The following BAZ1B variants were observed in gnomAD, a reference collection of about 807,000 sequenced individuals.
BAZ1B encodes the protein tyrosine-protein kinase BAZ1B.
A neutral mutation model predicts 153.8 loss-of-function variants in BAZ1B; 22 were observed. The observed-to-expected ratio is 0.14, with a 90% CI of 0.10 to 0.20. The LOEUF (loss-of-function observed/expected upper bound fraction) is 0.20. BAZ1B is among the 10% of genes least tolerant of loss of function. The probability of loss-of-function intolerance (pLI) is 1.00; values close to 1 mark genes in which losing one functional copy is unlikely to be tolerated. For missense variants in BAZ1B, 1,325 were observed against 1,799.3 expected, an observed-to-expected ratio of 0.74 and a Z score of 4.77; for synonymous variants, 676 against 633.4, an observed-to-expected ratio of 1.07 and a Z score of -1.01.
chr7:73,449,303 A>C (rs1003248088), intron 15 of BAZ1B, among the ~76,000 whole-genome samples: 1 of 152,154 alleles, frequency 6.6e-6, no homozygotes, highest in African/African-American at 2.4e-5. Context: ...CTTGAGAAGA[A>C]GGTATGATCA....
In BAZ1B at chr7:73,478,295, G is replaced by A; in HGVS notation, c.1166C>T (p.Pro389Leu). The A allele has an allele frequency of 1.2e-6, 2 of 1,614,104 alleles. No individual in the cohort carries two copies. The highest frequency in any genetic ancestry group is 1.1e-5 in the South Asian group (1 of 91,078). The change falls in exon 7 of 20, where the codon CCA becomes CTA. Residue 389 changes from proline to leucine, a missense_variant. Pro to Leu is a moderately conservative substitution (Grantham distance 98, BLOSUM62 -3). Transcript: ENST00000339594. ...GTGCTTCCCTGGTTTCTTGGCAGGT[G>A]GGCCTTTTTTAGGAATGTGAAAGTT... Reference protein sequence around the residue: ...HTNFHIPKKGPPAKKPGKHSD... With the variant: ...HTNFHIPKKGLPAKKPGKHSD...
chr7:73,502,124 C>T (rs1378450490), intron 3 of BAZ1B, among the ~76,000 whole-genome samples: 2 of 151,866 alleles, frequency 1.3e-5, no homozygotes, highest in South Asian at 2.1e-4. Flanking sequence ...CTCCTGACCT[C>T]GTGATCTGCC....
At chr7:73,503,156 T>C (rs1790204158) in intron 3 of BAZ1B, among the ~76,000 whole-genome samples, 1 of 152,166 alleles carries the variant, frequency 6.6e-6, no homozygotes. Flanking sequence ...TAACCAATTG[T>C]ATTCAGCAAT....
At chr7:73,487,272 T>C (rs1417904180) in intron 6 of BAZ1B, among the ~76,000 whole-genome samples, 4 of 152,128 alleles carry the variant, frequency 2.6e-5, no homozygotes, top group African/African-American at 9.7e-5. Flanking sequence ...CCTACAAAAA[T>C]TGTGGATCAG....
At chr7:73,467,572 G>A in intron 9 of BAZ1B, among the ~76,000 whole-genome samples, 1 of 152,096 alleles carries the variant, frequency 6.6e-6, no homozygotes, top group East Asian at 1.9e-4. Flanking sequence ...GTTTCGCCAT[G>A]TTGGCCAGGC....
chr7:73,443,820 T>C (rs1258171246), intron 17 of BAZ1B, among the ~76,000 whole-genome samples, 164 bp downstream of exon 17: 1 of 152,238 alleles, frequency 6.6e-6, no homozygotes, highest in Non-Finnish European at 1.5e-5. Flanking sequence ...TTGCTGCTTC[T>C]GTCTGCGTAC....
Position 73,508,434 on chromosome 7 carries a change from C to G in BAZ1B, c.262G>C (p.Val88Leu). ...GTGTTATGGTGAACCATTTCCAGAA[C>G]AAGCTTCTCATACCAGGCAGGAAAC... ...EEFPAWYEKL[V>L]LEMVHHNTAS... The change falls in exon 3 of 20, where the codon GTT becomes CTT. Residue 88 changes from valine to leucine, a missense_variant. Coordinates refer to ENST00000339594, the MANE Select transcript of BAZ1B (RefSeq NM_032408.4). 1 of 1,613,230 alleles carries G rather than the reference C, an allele frequency of 6.2e-7. No individual in the cohort carries two copies. The highest frequency in any genetic ancestry group is 8.5e-7 in the Non-Finnish European group (1 of 1,179,542).
At chr7:73,489,152 T>TAA (rs1789534975) in intron 6 of BAZ1B, 42 bp downstream of exon 6, 1 of 1,572,062 alleles carries the variant, frequency 6.4e-7, no homozygotes, top group Admixed American at 1.7e-5. Context: ...AGAGAAATAA[T>TAA]GATGCTTTAT....
At chr7:73,519,460 G>A (rs1162787978) in intron 1 of BAZ1B, among the ~76,000 whole-genome samples, 4 of 152,008 alleles carry the variant, frequency 2.6e-5, no homozygotes, top group Non-Finnish European at 4.4e-5. Context: ...AGAAATTCCC[G>A]AAAGAGCAAT....
intron 6 of BAZ1B, among the ~76,000 whole-genome samples, chr7:73,478,944 G>T (rs578109793): frequency 6.6e-6 from 1 of 152,136 alleles, no homozygotes; most frequent in African/African-American, 2.4e-5. Flanking sequence ...AAGGATATCT[G>T]ATCTACAAAA....
intron 16 of BAZ1B, among the ~76,000 whole-genome samples, chr7:73,445,230 C>A (rs569183501): frequency 6.6e-6 from 1 of 152,104 alleles, no homozygotes; most frequent in East Asian, 1.9e-4. Context: ...GGCAGTGACA[C>A]GAATAATCCA....
intron 16 of BAZ1B, among the ~76,000 whole-genome samples, chr7:73,445,788 G>C (rs1328821995): frequency 6.6e-6 from 1 of 152,090 alleles, no homozygotes; most frequent in Non-Finnish European, 1.5e-5. Flanking sequence ...TTAAGCCTGA[G>C]AGATCGAGGA....
intron 6 of BAZ1B, among the ~76,000 whole-genome samples, chr7:73,488,009 TTAAGA>T (rs1489175729): frequency 6.6e-6 from 1 of 152,200 alleles, no homozygotes; most frequent in Non-Finnish European, 1.5e-5. Context: ...CATAATCAAC[TTAAGA>T]TAATTGAACA....
chr7:73,474,866 C>T (rs1788941786), intron 7 of BAZ1B, among the ~76,000 whole-genome samples: 1 of 152,122 alleles, frequency 6.6e-6, no homozygotes, highest in Non-Finnish European at 1.5e-5. Flanking sequence ...AGAATATATA[C>T]AGAACTCTTA....
chr7:73,468,869 T>C (rs963366216), intron 9 of BAZ1B, among the ~76,000 whole-genome samples: 4 of 152,102 alleles, frequency 2.6e-5, no homozygotes, highest in African/African-American at 4.8e-5. Context: ...TGGCTCACAC[T>C]TGTAATCCCC....
intron 1 of BAZ1B, among the ~76,000 whole-genome samples, chr7:73,515,266 C>CA (rs1790750570): frequency 6.6e-6 from 1 of 152,146 alleles, no homozygotes; most frequent in South Asian, 2.1e-4. Context: ...TATTCACCTC[C>CA]TTTCCATAAG....
intron 18 of BAZ1B, 75 bp downstream of exon 18, chr7:73,442,650 C>A (rs1787669410): frequency 7.7e-6 from 12 of 1,553,794 alleles, no homozygotes; most frequent in Non-Finnish European, 1.0e-5. Flanking sequence ...GGCTGAGAGC[C>A]CCTCAGGGGC....
intron 4 of BAZ1B, among the ~76,000 whole-genome samples, chr7:73,494,375 T>A (rs1322326334): frequency 1.3e-5 from 2 of 150,720 alleles, no homozygotes; most frequent in African/African-American, 2.4e-5. Flanking sequence ...AGAGCGAGAC[T>A]CTGTCTCAAA....
chr7:73,475,294 C>G (rs2116330475), intron 7 of BAZ1B, among the ~76,000 whole-genome samples: 1 of 152,178 alleles, frequency 6.6e-6, no homozygotes, highest in East Asian at 1.9e-4. Context: ...CAGCATTGTT[C>G]ATAATAGGTA....
Sources: gnomAD v4.1 joint callset for allele counts (sites outside exome capture counted in the v4.1 genomes callset) on GRCh38, gnomAD v4.1.1 for gene constraint, MANE v1.5 for transcripts, NCBI Gene and HGNC (gene_info 2026-07-23, HGNC 2026-07-21) for gene names.